Variants in BUB1B observed in about 807,000 individuals in gnomAD.
BUB1B encodes the protein mitotic checkpoint serine/threonine-protein kinase BUB1 beta.
In BUB1B, 86 loss-of-function variants were observed where a neutral mutation model predicts 137.7. The ratio of observed to expected loss-of-function variants is 0.62; its 90% CI spans 0.52 to 0.75. The LOEUF (loss-of-function observed/expected upper bound fraction) is 0.75, where lower values mean the gene tolerates loss of function less well. Among genes scored for constraint, BUB1B ranks in the 30% least tolerant of loss-of-function variants. The pLI is 0.00. For synonymous variants in BUB1B, 420 were observed against 417.9 expected (o/e 1.00, Z -0.06); for missense variants, 1,130 against 1,236.9 (o/e 0.91, Z 1.30).
intron 8 of BUB1B, among the ~76,000 whole-genome samples, chr15:40,195,417 A>T (rs2037486112): frequency 6.6e-6 from 1 of 152,068 alleles, no homozygotes; most frequent in Non-Finnish European, 1.5e-5. Context: ...ATATTTTTGC[A>T]GTTGTGAATT....
Position 40,209,888 on chromosome 15 carries a change from A to T in BUB1B, c.2284+113A>T, listed in dbSNP as rs528588154. On this transcript the variant is annotated intron_variant, in intron 17 of 22. Coordinates refer to ENST00000287598, the MANE Select transcript of BUB1B (RefSeq NM_001211.6). ...TAAATATTCCTAGATTGTATTTTTT[A>T]AAAAAGCAATATAGAGGATGACACA... 152 of 1,392,400 alleles carry T rather than the reference A, an allele frequency of 1.1e-4. 4 individuals carry two copies. In the South Asian group the frequency reaches 1.8e-3, roughly 16 times the overall value. The allele number at this position is 1,392,400 out of a possible 1,614,324, so 86.3% of individuals were successfully genotyped here. A position where few individuals can be genotyped will look rare whatever the true frequency, so the allele number is the denominator to read the frequency against.
At chr15:40,189,907 G>A (rs1409294626) in intron 8 of BUB1B, among the ~76,000 whole-genome samples, 1 of 152,224 alleles carries the variant, frequency 6.6e-6, no homozygotes, top group Non-Finnish European at 1.5e-5. Flanking sequence ...TTCTAACAGA[G>A]ATGTGAAGTG....
At chr15:40,220,190 C>G (rs1566831564) in intron 22 of BUB1B, among the ~76,000 whole-genome samples, 9 of 152,188 alleles carry the variant, frequency 5.9e-5, no homozygotes, top group Admixed American at 5.2e-4. Flanking sequence ...AGATCCACTA[C>G]TGGGGTAGGA....
At position 40,170,537 on chromosome 15, in the gene BUB1B, G is replaced by T; in HGVS notation, c.240G>T (p.Arg80Ser). 6.2e-7 allele frequency: 1 copy of T among 1,613,524 alleles called. No homozygotes were observed. ...TTCTTATCTTTTTCCTCCCATTTAG[G>T]TATATCAGCTGGACAGAGCAGAACT... The part of the protein sequence containing the change: ...TGNDPLDVWD[R>S]YISWTEQNYP... Residue 80 changes from arginine (R) to serine (S), a missense_variant and splice_region_variant, in exon 4 of 23, where the codon AGG becomes AGT. Coordinates refer to ENST00000287598, the MANE Select transcript of BUB1B (RefSeq NM_001211.6).
At chr15:40,212,454 C>T (rs1275788799) in intron 18 of BUB1B, 45 bp from the exon 19 acceptor site, 3 of 1,513,002 alleles carry the variant, frequency 2.0e-6, no homozygotes, top group African/African-American at 1.4e-5. Context: ...CCAGCCATAA[C>T]CATAGACTTA....
intron 20 of BUB1B, 89 bp downstream of exon 20, chr15:40,213,563 TCTCA>T (rs1228321624): frequency 1.4e-6 from 2 of 1,392,406 alleles, no homozygotes; most frequent in African/African-American, 1.4e-5. Context: ...GAGGCGAGGG[TCTCA>T]CTCTGTCACC....
intron 12 of BUB1B, among the ~76,000 whole-genome samples, chr15:40,201,189 T>C (rs1488104128): frequency 6.6e-6 from 1 of 152,182 alleles, no homozygotes; most frequent in Non-Finnish European, 1.5e-5. Context: ...AATATTTGGT[T>C]TAATTGTAAT....
chr15:40,172,036 C>T (rs2037168432), intron 4 of BUB1B, among the ~76,000 whole-genome samples: 1 of 151,522 alleles, frequency 6.6e-6, no homozygotes, highest in South Asian at 2.1e-4. Context: ...AATCTCTTGG[C>T]ATTAAAACTG....
rs2037539807 is a variant in BUB1B at position 40,199,670 on chromosome 15, G to A, written c.1344G>A (p.Glu448=). 1.2e-6 allele frequency: 2 copies of A among 1,613,912 alleles called. No homozygotes were observed. The highest frequency in any genetic ancestry group is 2.7e-5 in the African/African-American group (2 of 74,936). The stretch of plus-strand genomic sequence containing the variant: ...CAGAAATGCAGAAACAGATTGAAGA[G>A]ATGGAGAAGAAGCTAAAAGAAATCC... The part of the protein sequence containing the change: ...KRAEMQKQIE[E]MEKKLKEIQT... The change falls in exon 10 of 23, where the codon GAG becomes GAA. Residue 448 remains glutamate, a synonymous_variant. Coordinates refer to ENST00000287598, the MANE Select transcript of BUB1B (RefSeq NM_001211.6).
chr15:40,179,499 A>G (rs1022499302), intron 5 of BUB1B, among the ~76,000 whole-genome samples: 1 of 152,070 alleles, frequency 6.6e-6, no homozygotes, highest in Non-Finnish European at 1.5e-5. Flanking sequence ...CTTTTAACCT[A>G]TGTCTTTATA....
chr15:40,176,563 A>G lies in BUB1B; in HGVS notation c.471A>G (p.Ser157=). ...IGVSLAQFYI[S]WAEEYEAREN... Reference sequence around the variant, plus strand: ...TTTCACTTGCTCAGTTCTATATCTCATGGGCAGAAGAATATGAAGCTAGAG... The same window carrying G: ...TTTCACTTGCTCAGTTCTATATCTCGTGGGCAGAAGAATATGAAGCTAGAG... Residue 157 remains serine (S), a synonymous_variant, in exon 5 of 23, where the codon TCA becomes TCG. Transcript: ENST00000287598. 1 of 1,605,118 alleles carries G rather than the reference A, an allele frequency of 6.2e-7. No individual in the cohort carries two copies. The highest frequency in any genetic ancestry group is 1.1e-5 in the South Asian group (1 of 90,920).
chr15:40,206,295 C>T lies in BUB1B; in HGVS notation c.1846C>T (p.Arg616Cys), dbSNP rs1429608588. ...CACTTGTGACTTTGCCAGAGCAGCT[C>T]GTTTTGTATCCACTCCTTTTCATGA... The part of the protein sequence containing the change: ...EDTCDFARAA[R>C]FVSTPFHEIM... Residue 616 changes from arginine (R) to cysteine (C), a missense_variant, in exon 15 of 23, where the codon CGT (arginine) becomes TGT (cysteine). Coordinates refer to ENST00000287598, the MANE Select transcript of BUB1B (RefSeq NM_001211.6). 4.3e-6 allele frequency: 7 copies of T among 1,614,134 alleles called. No homozygotes were observed. The highest frequency in any genetic ancestry group is 1.6e-4 in the Middle Eastern group (1 of 6,062).
intron 22 of BUB1B, 65 bp downstream of exon 22, chr15:40,218,627 A>C (rs1330044083): frequency 4.0e-6 from 5 of 1,234,830 alleles, no homozygotes; most frequent in South Asian, 2.5e-5. Flanking sequence ...CTTGGGTGCT[A>C]TCTCTGCTTT....
chr15:40,185,037 ATTTC>A (rs1030331737), intron 6 of BUB1B, 124 bp from the exon 7 acceptor site: 150 of 737,964 alleles, frequency 2.0e-4, no homozygotes, highest in Admixed American at 9.5e-4. Flanking sequence ...TATTTTTAAA[ATTTC>A]TTTTTTTTTT....
intron 8 of BUB1B, among the ~76,000 whole-genome samples, chr15:40,191,825 TC>T (rs1210824468): frequency 1.3e-5 from 2 of 152,228 alleles, no homozygotes; most frequent in African/African-American, 4.8e-5. Context: ...ATTCCATTGA[TC>T]TTTTTGTCTA....
intron 2 of BUB1B, among the ~76,000 whole-genome samples, chr15:40,165,615 A>G (rs896773431): frequency 4.6e-5 from 7 of 152,216 alleles, no homozygotes; most frequent in Non-Finnish European, 7.3e-5. Flanking sequence ...AGTTCTCAAT[A>G]ATTTTAACAA....
At chr15:40,178,741 A>C (rs1251108962) in intron 5 of BUB1B, among the ~76,000 whole-genome samples, 1 of 152,034 alleles carries the variant, frequency 6.6e-6, no homozygotes, top group Non-Finnish European at 1.5e-5. Flanking sequence ...TAGATGCATA[A>C]ACATTTAGAA....
At chr15:40,169,415 A>C (rs2037135836) in intron 2 of BUB1B, among the ~76,000 whole-genome samples, 1 of 152,114 alleles carries the variant, frequency 6.6e-6, no homozygotes, top group African/African-American at 2.4e-5. Context: ...ACAGAGTTTT[A>C]AGTAGCTTGT....
chr15:40,187,130 AT>A (rs11446094), intron 8 of BUB1B: 23 of 143,886 alleles, frequency 1.6e-4, no homozygotes, highest in Non-Finnish European at 2.6e-4. Context: ...TACAAAACAA[AT>A]TTTTTTTTTT....
Sources: gnomAD v4.1 joint callset for allele counts (sites outside exome capture counted in the v4.1 genomes callset) on GRCh38, gnomAD v4.1.1 for gene constraint, MANE v1.5 for transcripts, NCBI Gene and HGNC (gene_info 2026-07-23, HGNC 2026-07-21) for gene names.